The following TRIM9 variants were observed in gnomAD, a reference collection of about 807,000 sequenced individuals.
TRIM9 encodes the protein E3 ubiquitin-protein ligase TRIM9.
In TRIM9, 26 loss-of-function variants were observed where a neutral mutation model predicts 78.3. The observed-to-expected ratio is 0.33, with a 90% confidence interval of 0.24 to 0.46. The LOEUF is 0.46. Ranked by LOEUF, TRIM9 falls within the 20% of genes least tolerant of loss-of-function variation. The probability of loss-of-function intolerance (pLI) is 1.00; values close to 1 mark genes in which losing one functional copy is unlikely to be tolerated. For synonymous variants in TRIM9, 398 were observed against 416.5 expected (o/e 0.96, Z 0.54); for missense variants, 787 against 1,036.4 (o/e 0.76, Z 3.30).
chr14:51,060,205 A>G (rs1355075493), intron 1 of TRIM9, among the ~76,000 whole-genome samples: 1 of 152,178 alleles, frequency 6.6e-6, no homozygotes, highest in Admixed American at 6.5e-5. Context: ...TTATGTGGTG[A>G]GAATCTCAAC....
chr14:51,066,291 G>A (rs186442381), intron 1 of TRIM9, among the ~76,000 whole-genome samples: 5 of 152,074 alleles, frequency 3.3e-5, no homozygotes, highest in Admixed American at 6.5e-5. Flanking sequence ...TTTCATCCCC[G>A]TTGCTTCACT....
At chr14:51,085,501 C>T (rs1487045646) in intron 1 of TRIM9, among the ~76,000 whole-genome samples, 1 of 152,184 alleles carries the variant, frequency 6.6e-6, no homozygotes, top group Non-Finnish European at 1.5e-5. Context: ...TTCACATATT[C>T]CTTTTTATAT....
chr14:51,091,627 C>T (rs1405594135), intron 1 of TRIM9, among the ~76,000 whole-genome samples: 1 of 152,186 alleles, frequency 6.6e-6, no homozygotes, highest in African/African-American at 2.4e-5. Flanking sequence ...TGTTGTTCAT[C>T]TAACAGATGA....
At chr14:50,977,693 C>G (rs2051240963) in intron 12 of TRIM9, among the ~76,000 whole-genome samples, 1 of 152,186 alleles carries the variant, frequency 6.6e-6, no homozygotes, top group African/African-American at 2.4e-5. Context: ...TGACCACTGC[C>G]AAATCCATGG....
chr14:51,092,597 T>C (rs1479470696), intron 1 of TRIM9, among the ~76,000 whole-genome samples: 1 of 152,142 alleles, frequency 6.6e-6, no homozygotes, highest in Non-Finnish European at 1.5e-5. Context: ...GAAAAGCTCC[T>C]TCCAACCATC....
intron 5 of TRIM9, among the ~76,000 whole-genome samples, chr14:51,006,561 G>A (rs185048167): frequency 6.6e-6 from 1 of 152,228 alleles, no homozygotes; most frequent in African/African-American, 2.4e-5. Flanking sequence ...GGCTCTCACT[G>A]AATTAATTAA....
chr14:51,047,585 AAC>A (rs2060046837), intron 1 of TRIM9, among the ~76,000 whole-genome samples: 1 of 152,242 alleles, frequency 6.6e-6, no homozygotes, highest in Admixed American at 6.5e-5. Flanking sequence ...TGATGCACCT[AAC>A]ACTTGCAAGG....
chr14:51,066,667 CAG>C (rs2061765325), intron 1 of TRIM9, among the ~76,000 whole-genome samples: 2 of 152,310 alleles, frequency 1.3e-5, no homozygotes, highest in South Asian at 4.1e-4. Context: ...CTCTCCAAGT[CAG>C]AGCACATTCA....
intron 12 of TRIM9, 126 bp from the exon 13 acceptor site, chr14:50,977,479 G>T: frequency 1.6e-6 from 1 of 629,680 alleles, no homozygotes; most frequent in Non-Finnish European, 2.3e-6. Flanking sequence ...ATCTAGGCTA[G>T]CAGGCATTAA....
intron 1 of TRIM9, among the ~76,000 whole-genome samples, chr14:51,051,457 T>G (rs1344511498): frequency 6.6e-6 from 1 of 152,236 alleles, no homozygotes; most frequent in South Asian, 2.1e-4. Context: ...GAAGAGGAAT[T>G]TGGGACAGGT....
intron 1 of TRIM9, chr14:51,089,915 A>G (rs2064149403): frequency 6.6e-6 from 1 of 152,222 alleles, no homozygotes; most frequent in South Asian, 2.1e-4. Flanking sequence ...AAATTAGTAA[A>G]TTATAAACAT....
chr14:51,028,721 T>C (rs12432099), intron 1 of TRIM9, among the ~76,000 whole-genome samples: 77,297 of 151,998 alleles, frequency 0.51, 20,975 homozygotes, highest in African/African-American at 0.69. Context: ...TGAAAAGGTG[T>C]CACGATCTGA....
Position 50,986,151 on chromosome 14 carries a change from G to A in TRIM9, c.1604-7C>T, listed in dbSNP as rs1566546165. ...TGTTCTTCTGAATCTGTGTCTAAAT[G>A]TAAGATCAATGCAAACTAGAGATCA... On this transcript the variant is annotated splice_polypyrimidine_tract_variant and splice_region_variant and intron_variant, in intron 7 of 12. Transcript: ENST00000684578. 1.3e-6 allele frequency: 2 copies of A among 1,502,590 alleles called. No homozygotes were observed. Among genetic ancestry groups the A allele is most frequent in the Non-Finnish European group, 1.8e-6 (2 of 1,122,094 alleles). 93.1% of individuals were successfully genotyped at this position (1,502,590 alleles called of 1,614,324 possible). A position where few individuals can be genotyped will look rare whatever the true frequency, so the allele number is the denominator to read the frequency against.
intron 1 of TRIM9, among the ~76,000 whole-genome samples, chr14:51,045,045 T>C (rs1283609413): frequency 7.3e-6 from 1 of 137,594 alleles, no homozygotes; most frequent in Non-Finnish European, 1.6e-5. Flanking sequence ...TTGATTGTCA[T>C]GTGAAAATAT....
Position 51,094,944 on chromosome 14 carries a change from A to G in TRIM9, c.-5T>C, listed in dbSNP as rs1343261074. Reference sequence around the variant, plus strand: ...CTCCTCTTCCATCTCCTCCATGGGGACCGGTCTGGGAGGAGACAGCGACGG... The same window carrying G: ...CTCCTCTTCCATCTCCTCCATGGGGGCCGGTCTGGGAGGAGACAGCGACGG... On this transcript the variant is annotated 5_prime_UTR_variant, in exon 1 of 13. Coordinates refer to ENST00000684578, the MANE Select transcript of TRIM9 (RefSeq NM_001387360.1). 2.0e-6 allele frequency: 3 copies of G among 1,468,314 alleles called. No individual in the cohort carries two copies. Among genetic ancestry groups the G allele is most frequent in the Non-Finnish European group, 2.7e-6 (3 of 1,109,082 alleles). The allele number at this position is 1,468,314 out of a possible 1,614,324, so 91.0% of individuals were successfully genotyped here.
intron 1 of TRIM9, among the ~76,000 whole-genome samples, chr14:51,075,494 A>G (rs150863479): frequency 2.8e-4 from 43 of 152,300 alleles, no homozygotes; most frequent in Middle Eastern, 6.8e-3. Context: ...AAATATCTCT[A>G]GGACATTTAC....
chr14:51,033,797 C>T (rs977137138), intron 1 of TRIM9, among the ~76,000 whole-genome samples: 1 of 152,108 alleles, frequency 6.6e-6, no homozygotes, highest in African/African-American at 2.4e-5. Flanking sequence ...ATAGATCAAG[C>T]AGATAAATAA....
chr14:50,977,365 G>A lies in TRIM9; in HGVS notation c.2326-12C>T. On this transcript the variant is annotated splice_polypyrimidine_tract_variant and intron_variant, in intron 12 of 12. Transcript: ENST00000684578. ...GTGTGCAGCGTGACCTGGGGAATGA[G>A]ACTGTGAGTCCTGAGAGGCATCGTG... 2 of 1,526,740 alleles carry A rather than the reference G, an allele frequency of 1.3e-6. No homozygotes were observed. The highest frequency in any genetic ancestry group is 1.8e-6 in the Non-Finnish European group (2 of 1,132,864). 94.6% of individuals were successfully genotyped at this position (1,526,740 alleles called of 1,614,324 possible). A position where few individuals can be genotyped will look rare whatever the true frequency, so the allele number is the denominator to read the frequency against.
intron 1 of TRIM9, among the ~76,000 whole-genome samples, chr14:51,062,826 C>G (rs978615810): frequency 6.6e-6 from 1 of 152,138 alleles, no homozygotes; most frequent in Non-Finnish European, 1.5e-5. Context: ...AATAAATAAG[C>G]AGAGATATCT....
Sources: allele counts gnomAD v4.1 joint callset (sites outside exome capture counted in the v4.1 genomes callset), GRCh38; gene constraint gnomAD v4.1.1; transcripts MANE v1.5; gene names NCBI Gene and HGNC (gene_info 2026-07-23, HGNC 2026-07-21).